NSMCE2: variants seen among roughly 807,000 people sequenced by gnomAD.
The protein encoded by NSMCE2 is E3 SUMO-protein ligase NSE2.
In NSMCE2, 24 loss-of-function variants were observed where a neutral mutation model predicts 23.8. That is an observed-to-expected ratio of 1.01 (90% confidence interval 0.73 to 1.42). The LOEUF (loss-of-function observed/expected upper bound fraction) is 1.42, where lower values mean the gene tolerates loss of function less well. Ranked by LOEUF, NSMCE2 falls within the 40% of genes most tolerant of loss-of-function variation. The pLI, the probability that NSMCE2 is intolerant of heterozygous loss-of-function variation, is 0.00. For synonymous variants in NSMCE2, 92 were observed against 94.1 expected (o/e 0.98, Z 0.13); for missense variants, 284 against 296.5 (o/e 0.96, Z 0.31).
intron 5 of NSMCE2, among the ~76,000 whole-genome samples, chr8:125,316,552 G>T (rs1196407813): frequency 1.3e-5 from 2 of 152,104 alleles, no homozygotes; most frequent in Non-Finnish European, 2.9e-5. Flanking sequence ...TTGTCTGTCT[G>T]TCTTTCTTTC....
chr8:125,309,503 G>A (rs369090741), intron 5 of NSMCE2, among the ~76,000 whole-genome samples: 14 of 152,100 alleles, frequency 9.2e-5, no homozygotes, highest in African/African-American at 3.1e-4. Context: ...GGGGAGGATC[G>A]CTTGAGCTCG....
chr8:125,215,016 A>T (rs7000553), intron 5 of NSMCE2, among the ~76,000 whole-genome samples: 55,014 of 147,014 alleles, frequency 0.37, 13,462 homozygotes, highest in African/African-American at 0.71. Context: ...TAACCACTTT[A>T]TTTTATTTTA....
At chr8:125,100,566 A>T (rs1038496834) in intron 1 of NSMCE2, among the ~76,000 whole-genome samples, 1 of 151,452 alleles carries the variant, frequency 6.6e-6, no homozygotes, top group South Asian at 2.1e-4. Flanking sequence ...AATTTTTTTT[A>T]TTTTTATTTT....
intron 4 of NSMCE2, among the ~76,000 whole-genome samples, chr8:125,170,559 C>T (rs1822147546): frequency 6.6e-6 from 1 of 151,748 alleles, no homozygotes; most frequent in African/African-American, 2.4e-5. Flanking sequence ...AGGCATGTGC[C>T]ACCATGCCCG....
intron 3 of NSMCE2, among the ~76,000 whole-genome samples, chr8:125,110,762 G>GTTTTTTT (rs1017002301): frequency 3.8e-4 from 16 of 41,782 alleles, no homozygotes; most frequent in African/African-American, 8.5e-4. Context: ...GGTTGTTGTT[G>GTTTTTTT]TTTTTTTTTT....
intron 5 of NSMCE2, among the ~76,000 whole-genome samples, chr8:125,265,088 A>G (rs1826856924): frequency 6.6e-6 from 1 of 152,198 alleles, no homozygotes; most frequent in Admixed American, 6.5e-5. Context: ...ACAGTTCAAC[A>G]GGGCCAGGAT....
intron 5 of NSMCE2, among the ~76,000 whole-genome samples, chr8:125,269,768 G>T (rs1033295455): frequency 1.3e-5 from 2 of 152,152 alleles, no homozygotes; most frequent in African/African-American, 4.8e-5. Flanking sequence ...TCAATAATAG[G>T]TCATCCTGAA....
intron 5 of NSMCE2, among the ~76,000 whole-genome samples, chr8:125,300,879 A>T (rs139181130): frequency 6.6e-6 from 1 of 152,254 alleles, no homozygotes; most frequent in African/African-American, 2.4e-5. Flanking sequence ...TGAAGAATGG[A>T]TGGAAGAACA....
chr8:125,357,276 T>C lies in NSMCE2; in HGVS notation c.476T>C (p.Ile159Thr). ...ACAGAAGGAGTGGATGAAGATATAA[T>C]TGTGACCCAAAGTCAGACCAACTTC... ...DGTEGVDEDI[I>T]VTQSQTNFTC... The change falls in exon 6 of 8, where the codon ATT (isoleucine) becomes ACT (threonine). Residue 159 changes from isoleucine (I) to threonine (T), a missense_variant. By Grantham distance (89) the Ile-to-Thr change is moderately conservative. This residue lies in a region of NSMCE2 where 102 missense variants were observed against 141.0 expected (regional missense o/e 0.72). Coordinates refer to ENST00000287437, the MANE Select transcript of NSMCE2 (RefSeq NM_173685.4). 6.2e-7 allele frequency: 1 copy of C among 1,613,850 alleles called. No individual in the cohort carries two copies. Among genetic ancestry groups the C allele is most frequent in the Non-Finnish European group, 8.5e-7 (1 of 1,179,766 alleles).
intron 5 of NSMCE2, among the ~76,000 whole-genome samples, chr8:125,226,259 T>A (rs1395297972): frequency 2.0e-5 from 3 of 152,162 alleles, no homozygotes; most frequent in Admixed American, 1.3e-4. Context: ...TAGATTTGCT[T>A]TTAAACATGT....
Position 125,129,781 on chromosome 8 carries a change from A to G in NSMCE2, c.158-21390A>G, listed in dbSNP as rs572914295. Among the ~76,000 whole-genome samples the G allele has an allele frequency of 5.9e-5, 9 of 152,050 alleles. No individual in the cohort carries two copies. The East Asian group carries it at 1.7e-3, about 29-fold the overall frequency. On this transcript the variant is annotated intron_variant, in intron 3 of 7. Transcript: ENST00000287437. ...TCACCTCATTTTGCAATCTCTCTCT[A>G]TCCTTTTTATTTTTTCAATAAGTTT...
chr8:125,262,633 G>A (rs1046876200), intron 5 of NSMCE2, among the ~76,000 whole-genome samples: 3 of 152,106 alleles, frequency 2.0e-5, no homozygotes, highest in Admixed American at 6.5e-5. Context: ...TTGAAATTTG[G>A]AGCTCAATGC....
chr8:125,209,539 C>T (rs1824244640), intron 5 of NSMCE2, among the ~76,000 whole-genome samples: 2 of 152,020 alleles, frequency 1.3e-5, no homozygotes, highest in Admixed American at 1.3e-4. Flanking sequence ...AAACTTATAC[C>T]AATTTCCAAA....
chr8:125,352,713 A>G (rs1381812947), intron 5 of NSMCE2, among the ~76,000 whole-genome samples: 2 of 152,180 alleles, frequency 1.3e-5, no homozygotes, highest in African/African-American at 2.4e-5. Context: ...TAGATGATCA[A>G]TATTTTCTCT....
At chr8:125,299,889 G>A (rs778314903) in intron 5 of NSMCE2, among the ~76,000 whole-genome samples, 102 of 135,400 alleles carry the variant, frequency 7.5e-4, no homozygotes, top group Non-Finnish European at 1.2e-3. Flanking sequence ...CAGAATCTCG[G>A]CTCGCTGCAG....
At chr8:125,115,750 A>G (rs1818977016) in intron 3 of NSMCE2, among the ~76,000 whole-genome samples, 1 of 152,208 alleles carries the variant, frequency 6.6e-6, no homozygotes, top group South Asian at 2.1e-4. Flanking sequence ...AATAATAAAT[A>G]AATAAATCTT....
intron 5 of NSMCE2, among the ~76,000 whole-genome samples, chr8:125,354,615 A>T (rs1260033346): frequency 6.6e-6 from 1 of 151,000 alleles, no homozygotes; most frequent in Non-Finnish European, 1.5e-5. Flanking sequence ...AAATGCTCTG[A>T]CTGGTTATTC....
At chr8:125,266,099 T>C (rs1409471428) in intron 5 of NSMCE2, among the ~76,000 whole-genome samples, 1 of 150,720 alleles carries the variant, frequency 6.6e-6, no homozygotes, top group African/African-American at 2.4e-5. Context: ...TTTCTTTTTT[T>C]TTTTTTTTTT....
chr8:125,321,257 A>G (rs1313688840), intron 5 of NSMCE2, among the ~76,000 whole-genome samples: 1 of 152,244 alleles, frequency 6.6e-6, no homozygotes, highest in Non-Finnish European at 1.5e-5. Flanking sequence ...GAATACACAC[A>G]GGATTTTTTT....
Sources: allele counts gnomAD v4.1 joint callset (sites outside exome capture counted in the v4.1 genomes callset), GRCh38; gene constraint gnomAD v4.1.1; regional missense constraint gnomAD v4.1.1; transcripts MANE v1.5; gene names NCBI Gene and HGNC (gene_info 2026-07-23, HGNC 2026-07-21).